The following KCNIP1 variants were observed in gnomAD, a reference collection of about 807,000 sequenced individuals.
KCNIP1 encodes potassium voltage-gated channel interacting protein 1.
Under a neutral mutation model 33.0 loss-of-function variants are expected in KCNIP1, and 18 were observed. The observed-to-expected ratio is 0.55, with a 90% CI of 0.38 to 0.81. The LOEUF is 0.81. Among genes scored for constraint, KCNIP1 ranks in the 30% least tolerant of loss-of-function variants. KCNIP1 has a pLI of 0.00. For synonymous variants in KCNIP1, 93 were observed against 98.3 expected (o/e 0.95, Z 0.32); for missense variants, 238 against 271.6 (o/e 0.88, Z 0.87).
At chr5:170,524,243 C>A (rs530097627) in intron 1 of KCNIP1, among the ~76,000 whole-genome samples, 31 of 152,306 alleles carry the variant, frequency 2.0e-4, no homozygotes, top group African/African-American at 7.0e-4. Context: ...CCTTCCCAAG[C>A]TGCCAACGCT....
chr5:170,467,237 C>T (rs1288815804), intron 1 of KCNIP1, among the ~76,000 whole-genome samples: 4 of 152,006 alleles, frequency 2.6e-5, no homozygotes, highest in Non-Finnish European at 5.9e-5. Flanking sequence ...GTGCAGAGGT[C>T]GACGTTTTTA....
In KCNIP1 at chr5:170,596,036, G is replaced by T. The variant is rs75630891; in HGVS notation, c.61+91403G>T. Among the ~76,000 whole-genome samples, 616 of 152,230 alleles carry T rather than the reference G, an allele frequency of 4.0e-3. 8 individuals are homozygous for T. The highest frequency in any genetic ancestry group is 0.014 in the African/African-American group (584 of 41,514). On this transcript the variant is annotated intron_variant, in intron 1 of 7. Coordinates refer to ENST00000328939, the MANE Select transcript of KCNIP1 (RefSeq NM_014592.4). ...CAATGCAAATGCCAGGTTACTCGAG[G>T]CTCCCTCTAAGATGCAGGGACTCAA...
rs555446605 is a variant in KCNIP1, at chr5:170,491,106, G to A, written c.88+137142G>A. 5.3e-5 allele frequency among the ~76,000 whole-genome samples: 8 copies of A among 152,240 alleles called. No homozygotes were observed. In the South Asian group the frequency reaches 8.3e-4, roughly 16 times the overall value. ...GCTATCATCAGACATGATCTGATTC[G>A]TTTGTTTGCTTACCTATCACTGTCA... On this transcript the variant is annotated intron_variant, in intron 1 of 7. Transcript: ENST00000377360.
chr5:170,438,837 AGCACCCTGTACCGAGCG>A, intron 1 of KCNIP1, among the ~76,000 whole-genome samples: 1 of 152,020 alleles, frequency 6.6e-6, no homozygotes, highest in Non-Finnish European at 1.5e-5. Flanking sequence ...CAGCATCTGG[AGCACCCTGTACCGAGCG>A]GCACACTGTG....
At chr5:170,700,924 G>A (rs547741612) in intron 1 of KCNIP1, among the ~76,000 whole-genome samples, 1 of 152,298 alleles carries the variant, frequency 6.6e-6, no homozygotes, top group Non-Finnish European at 1.5e-5. Flanking sequence ...TTGTTTGGAA[G>A]GCATTTTATT....
intron 1 of KCNIP1, among the ~76,000 whole-genome samples, chr5:170,632,862 T>C (rs1005244875): frequency 1.3e-5 from 2 of 152,066 alleles, no homozygotes; most frequent in African/African-American, 4.8e-5. Flanking sequence ...GTGCTGAGGG[T>C]TCCATGGGAC....
chr5:170,497,341 C>A (rs1757329215), intron 1 of KCNIP1, among the ~76,000 whole-genome samples: 1 of 152,132 alleles, frequency 6.6e-6, no homozygotes, highest in Admixed American at 6.5e-5. Flanking sequence ...ATTATTGTAC[C>A]TATTTTATAG....
At chr5:170,500,662 G>C (rs563689066), upstream of KCNIP1, among the ~76,000 whole-genome samples, 3 of 152,268 alleles carry the variant, frequency 2.0e-5, no homozygotes, top group Admixed American at 2.0e-4. Context: ...ACACTTACCT[G>C]TGTTCTTCTA....
At chr5:170,435,173 C>CCAGCAGAGGG (rs1755832962) in intron 1 of KCNIP1, among the ~76,000 whole-genome samples, 1 of 152,178 alleles carries the variant, frequency 6.6e-6, no homozygotes, top group Admixed American at 6.5e-5. Flanking sequence ...CACCTGGTGC[C>CCAGCAGAGGG]CAGCAGAGGG....
intron 1 of KCNIP1, among the ~76,000 whole-genome samples, chr5:170,492,452 G>A (rs1479991740): frequency 6.6e-6 from 1 of 152,220 alleles, no homozygotes; most frequent in African/African-American, 2.4e-5. Context: ...AAATCTTGGT[G>A]CTTAGGGGTT....
chr5:170,686,064 A>G (rs1251529169), intron 1 of KCNIP1, among the ~76,000 whole-genome samples: 1 of 152,188 alleles, frequency 6.6e-6, no homozygotes, highest in African/African-American at 2.4e-5. Context: ...TCCCATCCCC[A>G]CTTTTGTCCC....
chr5:170,441,041 G>A (rs1015346802), intron 1 of KCNIP1, among the ~76,000 whole-genome samples: 4 of 152,190 alleles, frequency 2.6e-5, no homozygotes, highest in Admixed American at 6.5e-5. Context: ...GTGATCAGAC[G>A]TGACCATGGG....
intron 1 of KCNIP1, among the ~76,000 whole-genome samples, chr5:170,706,922 TC>T (rs1359860190): frequency 6.6e-6 from 1 of 152,110 alleles, no homozygotes. Flanking sequence ...ATGCCCTCTC[TC>T]TTCAACACAG....
chr5:170,429,394 T>C (rs1755690632), intron 1 of KCNIP1, among the ~76,000 whole-genome samples: 1 of 152,000 alleles, frequency 6.6e-6, no homozygotes, highest in South Asian at 2.1e-4. Context: ...TATATGTATA[T>C]ATATATATAT....
chr5:170,676,217 G>C (rs980092787), intron 1 of KCNIP1, among the ~76,000 whole-genome samples: 1 of 148,842 alleles, frequency 6.7e-6, no homozygotes, highest in African/African-American at 2.5e-5. Flanking sequence ...GAAAGGAAAG[G>C]AAAGGATTAC....
At chr5:170,420,351 T>G (rs762327246) in intron 1 of KCNIP1, 9 of 152,156 alleles carry the variant, frequency 5.9e-5, no homozygotes, top group Non-Finnish European at 1.2e-4. Flanking sequence ...TTCTCTTCTT[T>G]ATGATTTCTC....
intron 1 of KCNIP1, among the ~76,000 whole-genome samples, chr5:170,629,476 G>A (rs932668418): frequency 2.6e-5 from 4 of 152,216 alleles, no homozygotes; most frequent in African/African-American, 9.6e-5. Flanking sequence ...TGGGGCCAAG[G>A]CCTGCAGAAG....
At chr5:170,499,654 A>G (rs746168905), upstream of KCNIP1, among the ~76,000 whole-genome samples, 4 of 152,246 alleles carry the variant, frequency 2.6e-5, no homozygotes, top group Non-Finnish European at 5.9e-5. Flanking sequence ...ATGAGAAGAA[A>G]CATGGCTAAG....
At chr5:170,481,081 C>T (rs1212614346) in intron 1 of KCNIP1, among the ~76,000 whole-genome samples, 1 of 152,190 alleles carries the variant, frequency 6.6e-6, no homozygotes, top group Admixed American at 6.5e-5. Flanking sequence ...GAACTTACAG[C>T]TCTTCACAGA....
Sources: allele counts gnomAD v4.1 joint callset (sites outside exome capture counted in the v4.1 genomes callset), GRCh38; gene constraint gnomAD v4.1.1; transcripts MANE v1.5; gene names NCBI Gene and HGNC (gene_info 2026-07-23, HGNC 2026-07-21).